ZNF302: variants seen among roughly 807,000 people sequenced by gnomAD.
ZNF302 encodes zinc finger protein 302, also known as zinc finger protein 327.
ZNF302 carries 12 observed loss-of-function variants against 10.8 expected under a neutral mutation model. That is an observed-to-expected ratio of 1.11 (90% CI 0.71 to 1.79). The LOEUF is 1.79. Among genes scored for constraint, ZNF302 ranks in the 40% most tolerant of loss-of-function variants. The pLI, the probability that ZNF302 is intolerant of heterozygous loss-of-function variation, is 0.00. For synonymous variants in ZNF302, 178 were observed against 157.5 expected, an observed-to-expected ratio of 1.13 and a Z score of -0.98; for missense variants, 461 against 471.1, an observed-to-expected ratio of 0.98 and a Z score of 0.20.
intron 2 of ZNF302, 77 bp downstream of exon 2, chr19:34,678,890 T>C: frequency 6.4e-7 from 1 of 1,563,288 alleles, no homozygotes; most frequent in Non-Finnish European, 8.8e-7. Flanking sequence ...CTCCTGCCTG[T>C]TCCCACCTAA....
chr19:34,684,975 A>G lies in ZNF302; in HGVS notation c.938A>G (p.Tyr313Cys), dbSNP rs1375951246. 3 of 1,614,074 alleles carry G rather than the reference A, an allele frequency of 1.9e-6. No homozygotes were observed. The highest frequency in any genetic ancestry group is 2.5e-6 in the Non-Finnish European group (3 of 1,179,968). Residue 313 changes from tyrosine to cysteine, a missense_variant, in exon 5 of 5, where the codon TAT becomes TGT. Coordinates refer to ENST00000505242, the MANE Select transcript of ZNF302 (RefSeq NM_001289187.2). ...AGAATTCATACGCAAGAAAAACGCT[A>G]TGAGTGTCGTATATGTGGAAAGGCC... is the stretch of plus-strand genomic sequence containing the variant. ...HLRIHTQEKR[Y>C]ECRICGKAFI...
At chr19:34,683,770 C>T (rs2068484292) in intron 4 of ZNF302, among the ~76,000 whole-genome samples, 1 of 152,076 alleles carries the variant, frequency 6.6e-6, no homozygotes, top group Admixed American at 6.6e-5. Flanking sequence ...TTTGTTTTTA[C>T]TGCAGTTGTT....
chr19:34,684,310 A>T lies in ZNF302; in HGVS notation c.273A>T (p.Glu91Asp). 3 of 1,580,958 alleles carry T rather than the reference A, an allele frequency of 1.9e-6. No individual in the cohort carries two copies. Among genetic ancestry groups the T allele is most frequent in the Non-Finnish European group, 2.6e-6 (3 of 1,169,088 alleles). ...CAACAAAGAAGGATATTTATGATGA[A>T]GATTCACCCCAACCAGTAACAATGG... Reference protein sequence around the residue: ...ELSTKKDIYDEDSPQPVTMEK... With the variant: ...ELSTKKDIYDDDSPQPVTMEK... Residue 91 changes from glutamate to aspartate, a missense_variant, in exon 5 of 5, where the codon GAA becomes GAT. Physicochemically the swap from Glu to Asp is conservative, Grantham distance 45. Coordinates refer to ENST00000505242, the MANE Select transcript of ZNF302 (RefSeq NM_001289187.2).
chr19:34,683,956 T>G lies in ZNF302; in HGVS notation c.215-296T>G, dbSNP rs569633070. ...CTTCCACATCTTATTTCTGATACTTTCCTTTTTTCCATACTATTTTATCCA... is the reference window on the plus strand; with the variant it reads ...CTTCCACATCTTATTTCTGATACTTGCCTTTTTTCCATACTATTTTATCCA... On this transcript the variant is annotated intron_variant, in intron 4 of 4. Coordinates refer to ENST00000505242, the MANE Select transcript of ZNF302 (RefSeq NM_001289187.2). 6.8e-5 allele frequency: 89 copies of G among 1,313,408 alleles called. No homozygotes were observed. The African/African-American group carries it at 1.2e-3, about 18-fold the overall frequency. 81.4% of individuals were successfully genotyped at this position (1,313,408 alleles called of 1,614,324 possible).
Position 34,684,747 on chromosome 19 carries a change from C to G in ZNF302, c.710C>G (p.Thr237Ser), listed in dbSNP as rs748417962. ...KPYECRECGK[T>S]FSHGSSLTRH... ...TATGAATGTCGTGAATGTGGGAAGA[C>G]TTTTAGCCATGGTTCATCCCTTACA... is the stretch of plus-strand genomic sequence containing the variant. Residue 237 changes from threonine to serine, a missense_variant, in exon 5 of 5, where the codon ACT (threonine) becomes AGT (serine). Physicochemically the swap from Thr to Ser is moderately conservative, Grantham distance 58. Transcript: ENST00000505242. The G allele has an allele frequency of 3.5e-5, 56 of 1,613,896 alleles. No homozygotes were observed. The highest frequency in any genetic ancestry group is 4.3e-5 in the Non-Finnish European group (51 of 1,179,944).
rs1342077897 is a variant in ZNF302, at chr19:34,686,355, T to G, written c.*1118T>G. 1 of 152,194 alleles carries G rather than the reference T, an allele frequency of 6.6e-6. No individual in the cohort carries two copies. The highest frequency in any genetic ancestry group is 2.4e-5 in the African/African-American group (1 of 41,436). 9.4% of individuals were successfully genotyped at this position (152,194 alleles called of 1,614,324 possible). On this transcript the variant is annotated 3_prime_UTR_variant, in exon 5 of 5. Transcript: ENST00000505242. ...TGCAAAAGAAATAAAATGGTGTTAA[T>G]AAAAATTTGGCATCTAATAAAATCA...
Position 34,685,562 on chromosome 19 carries a change from A to T in ZNF302, c.*325A>T. ...AAGAGTACATAATGGAGAGAAACCCAATAGTGTGGTAAGTGTGGAAAAGCC... is the reference window on the plus strand; with the variant it reads ...AAGAGTACATAATGGAGAGAAACCCTATAGTGTGGTAAGTGTGGAAAAGCC... On this transcript the variant is annotated 3_prime_UTR_variant, in exon 5 of 5. Transcript: ENST00000505242. The T allele has an allele frequency of 3.3e-6, 5 of 1,514,472 alleles. No individual in the cohort carries two copies. The highest frequency in any genetic ancestry group is 3.7e-6 in the Non-Finnish European group (4 of 1,090,874). 93.8% of individuals were successfully genotyped at this position (1,514,472 alleles called of 1,614,324 possible).
chr19:34,682,914 T>G lies in ZNF302; in HGVS notation c.130+17T>G, dbSNP rs754385618. The G allele has an allele frequency of 1.2e-6, 2 of 1,612,142 alleles. No homozygotes were observed. The highest frequency in any genetic ancestry group is 3.4e-5 in the Admixed American group (2 of 59,442). ...TCTCTGTAGGTAAGGATATCACCCC[T>G]TCCACTCCAATAGGGGACACCTTTC... On this transcript the variant is annotated intron_variant, in intron 3 of 4. Coordinates refer to ENST00000505242, the MANE Select transcript of ZNF302 (RefSeq NM_001289187.2).
chr19:34,678,928 T>C, intron 2 of ZNF302, 115 bp downstream of exon 2: 1 of 1,271,186 alleles, frequency 7.9e-7, no homozygotes. Context: ...ACTAGATCTA[T>C]GGTTCCTTTC....
upstream of ZNF302, chr19:34,676,487 AG>A (rs1188882818): frequency 6.6e-6 from 1 of 152,166 alleles, no homozygotes; most frequent in African/African-American, 2.4e-5. Flanking sequence ...ACCCTTGTTT[AG>A]CACATCATCA....
rs1190237616 is a variant in ZNF302, at chr19:34,686,330, T to A, written c.*1093T>A. 2.0e-5 allele frequency: 3 copies of A among 152,094 alleles called. No homozygotes were observed. The highest frequency in any genetic ancestry group is 4.4e-5 in the Non-Finnish European group (3 of 68,016). 9.4% of individuals were successfully genotyped at this position (152,094 alleles called of 1,614,324 possible). A position where few individuals can be genotyped will look rare whatever the true frequency, so the allele number is the denominator to read the frequency against. On this transcript the variant is annotated 3_prime_UTR_variant, in exon 5 of 5. Transcript: ENST00000505242. ...ATGTTATAATGTTAAAAATTAAAGCTGCAAAAGAAATAAAATGGTGTTAAT... is the reference window on the plus strand; with the variant it reads ...ATGTTATAATGTTAAAAATTAAAGCAGCAAAAGAAATAAAATGGTGTTAAT...
chr19:34,683,842 T>C, intron 4 of ZNF302: 1 of 597,020 alleles, frequency 1.7e-6, no homozygotes, highest in East Asian at 3.2e-5. Context: ...TTGAGATTAA[T>C]GGAAGGTTGG....
In ZNF302 at chr19:34,683,647, A is replaced by G. The variant is rs531740359; in HGVS notation, c.214+409A>G. On this transcript the variant is annotated intron_variant, in intron 4 of 4. Coordinates refer to ENST00000505242, the MANE Select transcript of ZNF302 (RefSeq NM_001289187.2). ...GAACATATTAGAGGAAGTAAGGGAC[A>G]TATAAATGTTTCTAGGAATAATATT... 5.9e-5 allele frequency among the ~76,000 whole-genome samples: 9 copies of G among 152,338 alleles called. No individual in the cohort carries two copies. In the East Asian group the frequency reaches 1.7e-3, roughly 29 times the overall value.
Position 34,685,698 on chromosome 19 carries a change from T to C in ZNF302, c.*461T>C, listed in dbSNP as rs1327644390. On this transcript the variant is annotated 3_prime_UTR_variant, in exon 5 of 5. Transcript: ENST00000505242. ...TCCCTTATTTAACATCAGAAAAATGTATACTGGGGAAAAGTTGTATGAAGG... is the reference window on the plus strand; with the variant it reads ...TCCCTTATTTAACATCAGAAAAATGCATACTGGGGAAAAGTTGTATGAAGG... 2 of 684,598 alleles carry C rather than the reference T, an allele frequency of 2.9e-6. No homozygotes were observed. The highest frequency in any genetic ancestry group is 3.6e-5 in the African/African-American group (2 of 56,074). 42.4% of individuals were successfully genotyped at this position (684,598 alleles called of 1,614,324 possible).
Position 34,685,171 on chromosome 19 carries a change from T to C in ZNF302, c.1134T>C (p.Phe378=), listed in dbSNP as rs748663721. The C allele has an allele frequency of 6.2e-6, 10 of 1,606,582 alleles. No homozygotes were observed. The highest frequency in any genetic ancestry group is 1.7e-5 in the Admixed American group (1 of 58,496). The change falls in exon 5 of 5, where the codon TTT becomes TTC. Residue 378 remains phenylalanine (F), a synonymous_variant. Coordinates refer to ENST00000505242, the MANE Select transcript of ZNF302 (RefSeq NM_001289187.2). ...AATGCAACAAATGTCTCAAGGTCTT[T>C]AGTAGCTTCTCATTTCTTGTTCAAC... ...KYECNKCLKV[F]SSFSFLVQHQ...
intron 2 of ZNF302, chr19:34,679,905 A>C (rs2068249653): frequency 2.8e-6 from 2 of 703,046 alleles, no homozygotes; most frequent in South Asian, 1.5e-5. Context: ...TGAGTAATGA[A>C]GAACTGGTGG....
In ZNF302 at chr19:34,685,586, C is replaced by G. The variant is rs953810296; in HGVS notation, c.*349C>G. Reference sequence around the variant, plus strand: ...CAATAGTGTGGTAAGTGTGGAAAAGCCTTTAGATCATATGAATCCCTATAC... The same window carrying G: ...CAATAGTGTGGTAAGTGTGGAAAAGGCTTTAGATCATATGAATCCCTATAC... On this transcript the variant is annotated 3_prime_UTR_variant, in exon 5 of 5. Coordinates refer to ENST00000505242, the MANE Select transcript of ZNF302 (RefSeq NM_001289187.2). The G allele has an allele frequency of 2.9e-6, 4 of 1,391,760 alleles. No individual in the cohort carries two copies. Among genetic ancestry groups the G allele is most frequent in the East Asian group, 4.6e-5 (2 of 43,644 alleles). The allele number at this position is 1,391,760 out of a possible 1,614,324, so 86.2% of individuals were successfully genotyped here. A position where few individuals can be genotyped will look rare whatever the true frequency, so the allele number is the denominator to read the frequency against.
At position 34,685,444 on chromosome 19, in the gene ZNF302, T is replaced by C. The variant is rs929391260; in HGVS notation, c.*207T>C. The C allele has an allele frequency of 1.6e-5, 25 of 1,599,458 alleles. No homozygotes were observed. The African/African-American group carries it at 1.6e-4, about 10-fold the overall frequency. ...CCTTCAGCTGTAGTTCAAACCTTAC[T>C]GTACATCAGAGAATTCATACTGGAG... On this transcript the variant is annotated 3_prime_UTR_variant, in exon 5 of 5. Coordinates refer to ENST00000505242, the MANE Select transcript of ZNF302 (RefSeq NM_001289187.2).
Position 34,684,400 on chromosome 19 carries a change from C to T in ZNF302, c.363C>T (p.Cys121=), listed in dbSNP as rs375164167. The T allele has an allele frequency of 7.9e-5, 127 of 1,610,812 alleles. No homozygotes were observed. Among genetic ancestry groups the T allele is most frequent in the South Asian group, 2.0e-4 (18 of 90,244 alleles). Reference sequence around the variant, plus strand: ...ATAAGAATTTGGAATATACAGAATGCGACACATTTAGAAGCACCTTTCATT... The same window carrying T: ...ATAAGAATTTGGAATATACAGAATGTGACACATTTAGAAGCACCTTTCATT... ...NSNKNLEYTE[C]DTFRSTFHSK... The change falls in exon 5 of 5, where the codon TGC becomes TGT. Residue 121 remains cysteine, a synonymous_variant. Transcript: ENST00000505242.
Sources: allele counts gnomAD v4.1 joint callset (sites outside exome capture counted in the v4.1 genomes callset), GRCh38; gene constraint gnomAD v4.1.1; transcripts MANE v1.5; gene names NCBI Gene and HGNC (gene_info 2026-07-23, HGNC 2026-07-21).